The following PRKN variants were observed in gnomAD, a reference collection of about 807,000 sequenced individuals.
PRKN encodes parkin RBR E3 ubiquitin protein ligase.
In PRKN, 56 loss-of-function variants were observed where a neutral mutation model predicts 59.5. The observed-to-expected ratio is 0.94, with a 90% CI of 0.76 to 1.18. The LOEUF is 1.18. Among genes scored for constraint, PRKN ranks in the 50% most tolerant of loss-of-function variants. The pLI, the probability that PRKN is intolerant of heterozygous loss-of-function variation, is 0.00. For missense variants in PRKN, 657 were observed against 596.4 expected, an observed-to-expected ratio of 1.10 and a Z score of -1.06; for synonymous variants, 250 against 222.1, an observed-to-expected ratio of 1.13 and a Z score of -1.12.
At chr6:161,687,152 C>G (rs1353573675) in intron 7 of PRKN, among the ~76,000 whole-genome samples, 2 of 151,668 alleles carry the variant, frequency 1.3e-5, no homozygotes, top group Non-Finnish European at 1.5e-5. Flanking sequence ...TTTGGGAGGC[C>G]AAGGCGGGCA....
chr6:162,632,386 C>A (rs1369120801), intron 1 of PRKN, among the ~76,000 whole-genome samples: 2 of 152,034 alleles, frequency 1.3e-5, no homozygotes, highest in African/African-American at 4.8e-5. Context: ...GGCCATAATC[C>A]TAAATGAATT....
chr6:161,491,481 T>G (rs988136439), intron 9 of PRKN, among the ~76,000 whole-genome samples: 4 of 152,098 alleles, frequency 2.6e-5, no homozygotes, highest in Non-Finnish European at 5.9e-5. Context: ...AGAAACAACT[T>G]ACAAAGCTTG....
rs369768268 is a variant in PRKN, at chr6:161,461,053, G to A, written c.1084-74176C>T. On this transcript the variant is annotated intron_variant, in intron 9 of 11. Transcript: ENST00000366898. The surrounding 1 kb of genome is among the most constrained non-coding windows in gnomAD (Gnocchi z 5.1). ...ACTACAGGTGTGAGCCACCATGCCC[G>A]GTCCAAGAGTCATCTTTATCATAAG... Among the ~76,000 whole-genome samples, 9 of 152,034 alleles carry A rather than the reference G, an allele frequency of 5.9e-5. No homozygotes were observed. The highest frequency in any genetic ancestry group is 2.1e-4 in the South Asian group (1 of 4,796).
intron 4 of PRKN, among the ~76,000 whole-genome samples, chr6:162,105,374 T>C (rs1780148648): frequency 6.6e-6 from 1 of 152,172 alleles, no homozygotes; most frequent in South Asian, 2.1e-4. Context: ...AAGGAGATTA[T>C]ATGACAACAA....
chr6:161,455,101 T>A (rs762710434), intron 9 of PRKN, among the ~76,000 whole-genome samples: 16 of 151,504 alleles, frequency 1.1e-4, no homozygotes, highest in Non-Finnish European at 1.9e-4. Flanking sequence ...TGCAGTGGTA[T>A]GATCTCGGCT....
intron 1 of PRKN, among the ~76,000 whole-genome samples, chr6:162,651,694 C>G (rs189080182): frequency 6.6e-6 from 1 of 152,140 alleles, no homozygotes; most frequent in East Asian, 1.9e-4. Context: ...AGGAAAAAAG[C>G]AGGCTTCTCA....
intron 7 of PRKN, among the ~76,000 whole-genome samples, chr6:161,647,496 C>T (rs1489943296): frequency 1.3e-5 from 2 of 152,182 alleles, no homozygotes; most frequent in African/African-American, 4.8e-5. Flanking sequence ...GCCACCACCA[C>T]AGCTCAGTCA....
rs1779059981 is a variant in PRKN, at chr6:161,527,561, T to C, written c.1083+21293A>G. On this transcript the variant is annotated intron_variant, in intron 9 of 11. Coordinates refer to ENST00000366898, the MANE Select transcript of PRKN (RefSeq NM_004562.3). This position sits in a 1 kb window ranked among gnomAD's most constrained non-coding sequence, Gnocchi z 4.6. ...CTGTGGCCTCTCTCTGCCTGAGGGG[T>C]GGAGTGAGGAACATCTGCCCATGGG... Among the ~76,000 whole-genome samples the C allele has an allele frequency of 6.6e-6, 1 of 152,130 alleles. No individual in the cohort carries two copies. Among genetic ancestry groups the C allele is most frequent in the South Asian group, 2.1e-4 (1 of 4,826 alleles).
chr6:161,584,964 T>A lies in PRKN; in HGVS notation c.872-15548A>T, dbSNP rs890282355. On this transcript the variant is annotated intron_variant, in intron 7 of 11. Transcript: ENST00000366898. This position sits in a 1 kb window ranked among gnomAD's most constrained non-coding sequence, Gnocchi z 4.8. Reference sequence around the variant, plus strand: ...GCATTGCTTCAGATCTGTCAATGAATGTCAACAATGGCTTCTCCATTTGTA... The same window carrying A: ...GCATTGCTTCAGATCTGTCAATGAAAGTCAACAATGGCTTCTCCATTTGTA... Among the ~76,000 whole-genome samples, 1 of 152,226 alleles carries A rather than the reference T, an allele frequency of 6.6e-6. No individual in the cohort carries two copies. Among genetic ancestry groups the A allele is most frequent in the Non-Finnish European group, 1.5e-5 (1 of 68,042 alleles).
At chr6:161,411,782 TCACTCACTCATTCCTC>T in intron 9 of PRKN, among the ~76,000 whole-genome samples, 2 of 141,320 alleles carry the variant, frequency 1.4e-5, no homozygotes, top group Admixed American at 7.0e-5. Flanking sequence ...ACTCATTCCT[TCACTCACTCATTCCTC>T]CCTCACTCAT....
At chr6:162,708,526 A>G (rs1415535680) in intron 1 of PRKN, among the ~76,000 whole-genome samples, 1 of 152,254 alleles carries the variant, frequency 6.6e-6, no homozygotes, top group Non-Finnish European at 1.5e-5. Context: ...CACGGCTTTC[A>G]TGACACTGAT....
intron 7 of PRKN, among the ~76,000 whole-genome samples, chr6:161,762,598 T>C (rs191062548): frequency 1.2e-4 from 19 of 152,350 alleles, no homozygotes; most frequent in Admixed American, 7.8e-4. Flanking sequence ...AACTGAAATT[T>C]AATTTCATAT....
intron 4 of PRKN, among the ~76,000 whole-genome samples, chr6:162,062,629 A>C (rs1474180420): frequency 6.6e-6 from 1 of 152,176 alleles, no homozygotes; most frequent in Non-Finnish European, 1.5e-5. Flanking sequence ...GGCCATCTGC[A>C]AGCCAAGGAC....
chr6:161,727,322 G>A (rs1032529962), intron 7 of PRKN, among the ~76,000 whole-genome samples: 4 of 152,000 alleles, frequency 2.6e-5, no homozygotes, highest in African/African-American at 7.2e-5. Context: ...ACAGAAGAGG[G>A]AGTGCTCAGA....
At chr6:161,798,661 C>T (rs999862513) in intron 6 of PRKN, among the ~76,000 whole-genome samples, 3 of 152,114 alleles carry the variant, frequency 2.0e-5, no homozygotes, top group Admixed American at 2.0e-4. Context: ...CCCTGGGAGA[C>T]TTATGAGAGG....
In PRKN at chr6:161,584,384, A is replaced by T. The variant is rs575003634; in HGVS notation, c.872-14968T>A. Among the ~76,000 whole-genome samples, 1 of 152,288 alleles carries T rather than the reference A, an allele frequency of 6.6e-6. No homozygotes were observed. The highest frequency in any genetic ancestry group is 1.9e-4 in the East Asian group (1 of 5,186). On this transcript the variant is annotated intron_variant, in intron 7 of 11. Transcript: ENST00000366898. This position sits in a 1 kb window ranked among gnomAD's most constrained non-coding sequence, Gnocchi z 4.8. ...AATATAATGGTGCTGCAAAATCTGAAATTAAACATAATATAAAAAGCACAA... is the reference window on the plus strand; with the variant it reads ...AATATAATGGTGCTGCAAAATCTGATATTAAACATAATATAAAAAGCACAA...
chr6:161,670,751 G>T (rs1454053952), intron 7 of PRKN, among the ~76,000 whole-genome samples: 1 of 152,148 alleles, frequency 6.6e-6, no homozygotes, highest in African/African-American at 2.4e-5. Flanking sequence ...GGGAGGCAGA[G>T]CTTGCAGTGA....
At chr6:162,383,415 A>G (rs1462901276) in intron 2 of PRKN, among the ~76,000 whole-genome samples, 1 of 152,204 alleles carries the variant, frequency 6.6e-6, no homozygotes, top group Admixed American at 6.5e-5. Context: ...CAGCTGCATC[A>G]TGAATGAGTG....
At chr6:161,871,354 C>T (rs921535070) in intron 6 of PRKN, among the ~76,000 whole-genome samples, 1 of 152,080 alleles carries the variant, frequency 6.6e-6, no homozygotes, top group East Asian at 1.9e-4. Flanking sequence ...AAGAAAGAGC[C>T]CTACTTTGTA....
Sources: allele counts gnomAD v4.1 joint callset (sites outside exome capture counted in the v4.1 genomes callset), GRCh38; gene constraint gnomAD v4.1.1; non-coding constraint Gnocchi (gnomAD v3.1); transcripts MANE v1.5; gene names NCBI Gene and HGNC (gene_info 2026-07-23, HGNC 2026-07-21).